PDE11A: variants seen among roughly 807,000 people sequenced by gnomAD.
PDE11A encodes phosphodiesterase 11A.
In PDE11A, 100 loss-of-function variants were observed where a neutral mutation model predicts 100.5. The observed-to-expected ratio is 1.00, with a 90% confidence interval of 0.85 to 1.18. PDE11A has a LOEUF of 1.18. Ranked by LOEUF, PDE11A falls within the 50% of genes most tolerant of loss-of-function variation. The probability of loss-of-function intolerance (pLI) is 0.00; values close to 1 mark genes in which losing one functional copy is unlikely to be tolerated. For missense variants in PDE11A, 1,141 were observed against 1,152.6 expected, an observed-to-expected ratio of 0.99 and a Z score of 0.15; for synonymous variants, 381 against 420.8, an observed-to-expected ratio of 0.91 and a Z score of 1.16.
chr2:177,714,586 C>T (rs1014706946), intron 12 of PDE11A, among the ~76,000 whole-genome samples: 9 of 152,162 alleles, frequency 5.9e-5, no homozygotes, highest in East Asian at 3.9e-4. Flanking sequence ...TGAACACTGG[C>T]GACGTCTAGC....
At chr2:177,748,499 C>T (rs915872525) in intron 10 of PDE11A, among the ~76,000 whole-genome samples, 1 of 152,168 alleles carries the variant, frequency 6.6e-6, no homozygotes, top group African/African-American at 2.4e-5. Flanking sequence ...ACACTGAGAT[C>T]GTGCAATGCC....
intron 9 of PDE11A, among the ~76,000 whole-genome samples, chr2:177,799,451 C>T (rs1051244495): frequency 3.9e-5 from 6 of 152,098 alleles, no homozygotes; most frequent in African/African-American, 7.2e-5. Flanking sequence ...TCTAAACTGT[C>T]ATAAAATATA....
chr2:177,943,768 T>C (rs917173895), intron 2 of PDE11A, among the ~76,000 whole-genome samples: 2 of 152,228 alleles, frequency 1.3e-5, no homozygotes, highest in African/African-American at 4.8e-5. Context: ...TTGTTGCCTA[T>C]GCTTTTGACG....
At chr2:177,996,157 G>A (rs1452075024) in intron 2 of PDE11A, among the ~76,000 whole-genome samples, 1 of 151,964 alleles carries the variant, frequency 6.6e-6, no homozygotes, top group East Asian at 1.9e-4. Flanking sequence ...AACCTGGGAG[G>A]TGGAGGTTGC....
At chr2:177,743,697 G>C (rs1182435098) in intron 10 of PDE11A, among the ~76,000 whole-genome samples, 2 of 152,330 alleles carry the variant, frequency 1.3e-5, no homozygotes, top group African/African-American at 4.8e-5. Context: ...GGCTTAGAGA[G>C]TTAACTAACT....
At chr2:177,937,807 A>G (rs1340239517) in intron 2 of PDE11A, among the ~76,000 whole-genome samples, 1 of 152,188 alleles carries the variant, frequency 6.6e-6, no homozygotes, top group South Asian at 2.1e-4. Flanking sequence ...CTGTCACTCA[A>G]TACAAGGGGC....
At chr2:177,694,621 A>G (rs2081083906) in intron 15 of PDE11A, among the ~76,000 whole-genome samples, 1 of 152,194 alleles carries the variant, frequency 6.6e-6, no homozygotes, top group African/African-American at 2.4e-5. Flanking sequence ...ACACACAGCT[A>G]ATTAGTGGCA....
Position 177,816,835 on chromosome 2 carries a change from A to T in PDE11A, c.1731T>A (p.Ala577=). Residue 577 remains alanine (A), a synonymous_variant, in exon 9 of 20, where the codon GCT becomes GCA. Transcript: ENST00000286063. ...VKKSWAKQSV[A]LDVLSYHATC... ...ACATAAACACTGTACTTACATCAAG[A>T]GCCACAGACTGCTTGGCCCAGGACT... 2 of 1,570,972 alleles carry T rather than the reference A, an allele frequency of 1.3e-6. No homozygotes were observed. Among genetic ancestry groups the T allele is most frequent in the Non-Finnish European group, 8.8e-7 (1 of 1,140,642 alleles).
intron 15 of PDE11A, chr2:177,687,381 A>G (rs1451699151): frequency 6.6e-6 from 1 of 152,168 alleles, no homozygotes; most frequent in Non-Finnish European, 1.5e-5. Context: ...ATTTTGTATA[A>G]TATTGCTCTA....
chr2:177,796,031 T>G (rs1574151426), intron 9 of PDE11A, among the ~76,000 whole-genome samples: 1 of 137,962 alleles, frequency 7.2e-6, no homozygotes, highest in African/African-American at 2.6e-5. Flanking sequence ...GAGAGTGGAG[T>G]GAAATATATC....
chr2:177,703,369 TCA>T (rs1305897381), intron 13 of PDE11A, among the ~76,000 whole-genome samples: 2 of 152,194 alleles, frequency 1.3e-5, no homozygotes, highest in African/African-American at 4.8e-5. Context: ...TTTTCCAAGG[TCA>T]CACAGCTAGC....
intron 7 of PDE11A, among the ~76,000 whole-genome samples, chr2:177,819,991 A>T (rs539065167): frequency 1.3e-5 from 2 of 151,052 alleles, no homozygotes; most frequent in African/African-American, 4.9e-5. Flanking sequence ...CAGATTCTCT[A>T]CGACTTTAAA....
chr2:177,981,174 C>T (rs2085876871), intron 2 of PDE11A, among the ~76,000 whole-genome samples: 1 of 150,466 alleles, frequency 6.6e-6, no homozygotes, highest in South Asian at 2.2e-4. Flanking sequence ...TGAGATTGGT[C>T]CTAGATGTAA....
intron 2 of PDE11A, among the ~76,000 whole-genome samples, chr2:177,935,362 T>C (rs547709304): frequency 6.6e-6 from 1 of 152,284 alleles, no homozygotes; most frequent in East Asian, 1.9e-4. Context: ...GCCACGAATT[T>C]GCAAAGGTCC....
chr2:178,102,293 A>G (rs1342683945), intron 2 of PDE11A, among the ~76,000 whole-genome samples: 1 of 151,694 alleles, frequency 6.6e-6, no homozygotes, highest in Admixed American at 6.6e-5. Flanking sequence ...TGCCTGGCTG[A>G]TTTTTGTATT....
rs1344725113 is a variant in PDE11A, at chr2:178,052,553, C to CA, written c.912+18972dup. Among the ~76,000 whole-genome samples the CA allele has an allele frequency of 1.1e-3, 167 of 151,982 alleles. 2 individuals are homozygous for CA. The highest frequency in any genetic ancestry group is 3.6e-3 in the African/African-American group (151 of 41,456). Reference sequence around the variant, plus strand: ...GGAGATAGAGACACAAAAAACCCTTCAAAAAATCAATGAATCCAGGAGCTG... The same window carrying CA: ...GGAGATAGAGACACAAAAAACCCTTCAAAAAAATCAATGAATCCAGGAGCTG... On this transcript the variant is annotated intron_variant, in intron 1 of 19. Coordinates refer to ENST00000286063, the MANE Select transcript of PDE11A (RefSeq NM_016953.4).
intron 2 of PDE11A, among the ~76,000 whole-genome samples, chr2:177,984,769 A>G (rs146080899): frequency 6.5e-4 from 99 of 152,366 alleles, no homozygotes; most frequent in African/African-American, 2.2e-3. Context: ...AAACAGAGGT[A>G]TAAGTTAATT....
At chr2:177,764,886 A>C (rs896087487) in intron 10 of PDE11A, among the ~76,000 whole-genome samples, 2 of 152,246 alleles carry the variant, frequency 1.3e-5, no homozygotes, top group Admixed American at 6.5e-5. Flanking sequence ...TTAATTCATT[A>C]GTTCCAGGAA....
rs1428855757 is a variant in PDE11A at position 177,625,708 on chromosome 2, G to A, written c.*3699C>T. On this transcript the variant is annotated 3_prime_UTR_variant, in exon 20 of 20. Coordinates refer to ENST00000286063, the MANE Select transcript of PDE11A (RefSeq NM_016953.4). ...ATAGGAAATAAACATTAATAATAAG[G>A]ACTGGGAAACTTCCTTTCTCTTTTT... The A allele has an allele frequency of 1.3e-5, 2 of 152,186 alleles. No homozygotes were observed. The highest frequency in any genetic ancestry group is 2.4e-5 in the African/African-American group (1 of 41,422). The allele number at this position is 152,186 out of a possible 1,614,324, so 9.4% of individuals were successfully genotyped here.
Sources: gnomAD v4.1 joint callset for allele counts (sites outside exome capture counted in the v4.1 genomes callset) on GRCh38, gnomAD v4.1.1 for gene constraint, MANE v1.5 for transcripts, NCBI Gene and HGNC (gene_info 2026-07-23, HGNC 2026-07-21) for gene names.